NFIX: variants seen among roughly 807,000 people sequenced by gnomAD.
NFIX encodes nuclear factor I X, also known as nuclear factor 1 X-type.
NFIX carries 2 observed loss-of-function variants against 53.3 expected under a neutral mutation model. The ratio of observed to expected loss-of-function variants is 0.04; its 90% CI spans 0.02 to 0.12. The LOEUF is 0.12. Among genes scored for constraint, NFIX ranks in the 10% least tolerant of loss-of-function variants. NFIX has a pLI of 1.00. For missense variants in NFIX, 310 were observed against 674.5 expected (o/e 0.46, Z 5.99); for synonymous variants, 244 against 289.0 (o/e 0.84, Z 1.58).
chr19:13,083,275 G>A (rs1392997345), intron 8 of NFIX, among the ~76,000 whole-genome samples: 1 of 152,210 alleles, frequency 6.6e-6, no homozygotes, highest in Non-Finnish European at 1.5e-5. Context: ...CAGCCCCCAA[G>A]GGGCCTGGGG....
rs371364702 is a variant in NFIX, at chr19:13,065,201, C to T, written c.560-7846C>T. 3.3e-5 allele frequency among the ~76,000 whole-genome samples: 5 copies of T among 152,292 alleles called. No homozygotes were observed. The South Asian group carries it at 6.2e-4, about 19-fold the overall frequency. On this transcript the variant is annotated intron_variant, in intron 2 of 10. Coordinates refer to ENST00000592199, the MANE Select transcript of NFIX (RefSeq NM_001365902.3). ...GGTAGAGCACTGTGTTGTACCCCCT[C>T]AGTGGACACAGGCTCCAGACCAAGG...
chr19:13,037,392 A>G lies in NFIX; in HGVS notation c.559+11840A>G, dbSNP rs1404546214. On this transcript the variant is annotated intron_variant, in intron 2 of 10. Coordinates refer to ENST00000592199, the MANE Select transcript of NFIX (RefSeq NM_001365902.3). This position sits in a 1 kb window ranked among gnomAD's most constrained non-coding sequence, Gnocchi z 4.2. ...TTAGTAATCTAAGAAATATGTGAGC[A>G]ATTTGATGCGGATCTCAGAGAGCCT... Among the ~76,000 whole-genome samples, 1 of 152,186 alleles carries G rather than the reference A, an allele frequency of 6.6e-6. No homozygotes were observed. Among genetic ancestry groups the G allele is most frequent in the Non-Finnish European group, 1.5e-5 (1 of 68,036 alleles).
intron 8 of NFIX, among the ~76,000 whole-genome samples, chr19:13,087,373 C>T (rs1042805258): frequency 6.6e-6 from 1 of 152,162 alleles, no homozygotes; most frequent in Non-Finnish European, 1.5e-5. Context: ...GGATTTTCTT[C>T]CCTGGCCATT....
At chr19:13,008,049 C>T (rs1341455910) in intron 1 of NFIX, among the ~76,000 whole-genome samples, 1 of 152,210 alleles carries the variant, frequency 6.6e-6, no homozygotes. Flanking sequence ...ATAATACATA[C>T]AACAAACACA....
intron 6 of NFIX, among the ~76,000 whole-genome samples, chr19:13,077,111 C>A (rs2017153189): frequency 6.6e-6 from 1 of 152,118 alleles, no homozygotes. Context: ...CAGTAGGTGA[C>A]CCCTTCTGCA....
chr19:13,026,778 C>T (rs2013397412), intron 2 of NFIX, among the ~76,000 whole-genome samples: 1 of 151,342 alleles, frequency 6.6e-6, no homozygotes, highest in Admixed American at 6.6e-5. Context: ...GTTTCCTTTC[C>T]ACCATTCCAG....
At position 13,011,432 on chromosome 19, in the gene NFIX, T is replaced by TC. The variant is rs1437864126; in HGVS notation, c.28-13587dup. On this transcript the variant is annotated intron_variant, in intron 1 of 10. Coordinates refer to ENST00000592199, the MANE Select transcript of NFIX (RefSeq NM_001365902.3). The surrounding 1 kb of genome is among the most constrained non-coding windows in gnomAD (Gnocchi z 6.5). ...AGCTCGGGCCGCACGCTACCCGCCC[T>TC]CCAGGCCTTCGCTCCAGGTGCGCCC... is the stretch of plus-strand genomic sequence containing the variant. 6.6e-6 allele frequency among the ~76,000 whole-genome samples: 1 copy of TC among 150,622 alleles called. No individual in the cohort carries two copies. The highest frequency in any genetic ancestry group is 2.0e-4 in the East Asian group (1 of 5,030).
intron 1 of NFIX, among the ~76,000 whole-genome samples, chr19:13,007,966 A>G (rs983839445): frequency 3.9e-5 from 6 of 152,154 alleles, no homozygotes; most frequent in African/African-American, 1.4e-4. Context: ...GCCTGTGCCT[A>G]CAGAGACACA....
rs1379579989 is a variant in NFIX at position 13,009,656 on chromosome 19, T to G, written c.27+13792T>G. ...CCCGCTTAAGGGTGTTCAAACTGTC[T>G]GCCCCTGGCTGGGAAAACAGGGCCA... On this transcript the variant is annotated intron_variant, in intron 1 of 10. Transcript: ENST00000592199. This position sits in a 1 kb window ranked among gnomAD's most constrained non-coding sequence, Gnocchi z 4.7. 1.3e-5 allele frequency among the ~76,000 whole-genome samples: 2 copies of G among 152,236 alleles called. No homozygotes were observed. The highest frequency in any genetic ancestry group is 2.9e-5 in the Non-Finnish European group (2 of 68,038).
intron 1 of NFIX, among the ~76,000 whole-genome samples, chr19:13,023,070 T>TTCTCTCTCTCTC (rs3840930): frequency 0.046 from 6,376 of 138,038 alleles, 458 homozygotes; most frequent in African/African-American, 0.14. Context: ...TTCTCTCTCT[T>TTCTCTCTCTCTC]TCTCTCTCTC....
Position 12,996,325 on chromosome 19 carries a change from C to G in NFIX, c.27+461C>G, listed in dbSNP as rs1019561441. On this transcript the variant is annotated intron_variant, in intron 1 of 10. Coordinates refer to ENST00000592199, the MANE Select transcript of NFIX (RefSeq NM_001365902.3). This position sits in a 1 kb window ranked among gnomAD's most constrained non-coding sequence, Gnocchi z 5.2. ...AGGGCGCAGAGGGGACACTGGGTCC[C>G]GCGACGCTTCCTGGGGAGGGCGCAG... 4.6e-5 allele frequency among the ~76,000 whole-genome samples: 7 copies of G among 152,026 alleles called. No homozygotes were observed. The highest frequency in any genetic ancestry group is 1.3e-4 in the Admixed American group (2 of 15,278).
Position 13,009,793 on chromosome 19 carries a change from G to GTA in NFIX, c.27+13929_27+13930insTA. On this transcript the variant is annotated intron_variant, in intron 1 of 10. Transcript: ENST00000592199. This position sits in a 1 kb window ranked among gnomAD's most constrained non-coding sequence, Gnocchi z 4.7. ...GCAACTACAAGTACAGTAGCACTAGGCTTGAGTGTCTGATGTGTGAGTGGC... is the reference window on the plus strand; with the variant it reads ...GCAACTACAAGTACAGTAGCACTAGGTACTTGAGTGTCTGATGTGTGAGTGGC... 6.6e-6 allele frequency among the ~76,000 whole-genome samples: 1 copy of GTA among 152,268 alleles called. No individual in the cohort carries two copies. The highest frequency in any genetic ancestry group is 1.5e-5 in the Non-Finnish European group (1 of 68,052).
rs955380679 is a variant in NFIX, at chr19:13,009,328, G to A, written c.27+13464G>A. On this transcript the variant is annotated intron_variant, in intron 1 of 10. Transcript: ENST00000592199. The surrounding 1 kb of genome is among the most constrained non-coding windows in gnomAD (Gnocchi z 4.7). ...GGCAGCGGGTGGGTGGGGGGAAGGC[G>A]GGCATATGTGACCTCCTGTGACCCT... is the stretch of plus-strand genomic sequence containing the variant. 3.3e-5 allele frequency among the ~76,000 whole-genome samples: 5 copies of A among 152,136 alleles called. No individual in the cohort carries two copies. Among genetic ancestry groups the A allele is most frequent in the African/African-American group, 7.2e-5 (3 of 41,408 alleles).
intron 8 of NFIX, among the ~76,000 whole-genome samples, chr19:13,084,296 T>C (rs902208811): frequency 1.3e-5 from 2 of 151,950 alleles, no homozygotes; most frequent in Non-Finnish European, 2.9e-5. Context: ...TACAAAAAAT[T>C]AGCTGGACGT....
chr19:13,042,476 T>C (rs2014706432), intron 2 of NFIX, among the ~76,000 whole-genome samples: 1 of 151,034 alleles, frequency 6.6e-6, no homozygotes, highest in Admixed American at 6.6e-5. Flanking sequence ...TGCCTCAGCT[T>C]CAGGAGAAGC....
At position 13,014,565 on chromosome 19, in the gene NFIX, T is replaced by G. The variant is rs982108165; in HGVS notation, c.28-10456T>G. ...CGCCTGCTCAGAGGGCTCAGATCCC[T>G]TGTCATATTTTAAATTAAATTGAAC... On this transcript the variant is annotated intron_variant, in intron 1 of 10. Coordinates refer to ENST00000592199, the MANE Select transcript of NFIX (RefSeq NM_001365902.3). This position sits in a 1 kb window ranked among gnomAD's most constrained non-coding sequence, Gnocchi z 4.4. 31 of 152,270 alleles carry G rather than the reference T, an allele frequency of 2.0e-4. No homozygotes were observed. The highest frequency in any genetic ancestry group is 7.2e-4 in the African/African-American group (30 of 41,470). 9.4% of individuals were successfully genotyped at this position (152,270 alleles called of 1,614,324 possible). A position where few individuals can be genotyped will look rare whatever the true frequency, so the allele number is the denominator to read the frequency against.
In NFIX at chr19:13,025,828, C is replaced by CT. The variant is rs2013298643; in HGVS notation, c.559+277dup. On this transcript the variant is annotated intron_variant, in intron 2 of 10. Transcript: ENST00000592199. The surrounding 1 kb of genome is among the most constrained non-coding windows in gnomAD (Gnocchi z 7.5). ...GAGGACTTATCTGATCAGAAAGATG[C>CT]TGCAGGTCTTAGGATTGGGGACATG... Among the ~76,000 whole-genome samples the CT allele has an allele frequency of 6.6e-6, 1 of 152,178 alleles. No homozygotes were observed. The highest frequency in any genetic ancestry group is 6.5e-5 in the Admixed American group (1 of 15,280).
chr19:13,085,069 CAAAAA>C (rs555726363), intron 8 of NFIX, among the ~76,000 whole-genome samples: 1 of 54,942 alleles, frequency 1.8e-5, no homozygotes, highest in Non-Finnish European at 3.8e-5. Context: ...GACTCCATCT[CAAAAA>C]AAAAAAAAAA....
intron 2 of NFIX, chr19:13,070,646 G>A (rs2016718546): frequency 6.6e-6 from 1 of 152,522 alleles, no homozygotes; most frequent in African/African-American, 2.4e-5. Flanking sequence ...GAGGCCGCCA[G>A]CCGTAAGATG....
Sources: gnomAD v4.1 joint callset for allele counts (sites outside exome capture counted in the v4.1 genomes callset) on GRCh38, gnomAD v4.1.1 for gene constraint, Gnocchi (gnomAD v3.1) non-coding constraint, MANE v1.5 for transcripts, NCBI Gene and HGNC (gene_info 2026-07-23, HGNC 2026-07-21) for gene names.